Variants in PCDHGA1 observed in about 807,000 individuals in gnomAD.
PCDHGA1 encodes the protein protocadherin gamma subfamily A, 1, also known as protocadherin gamma-A1.
PCDHGA1 carries 32 observed loss-of-function variants against 58.0 expected under a neutral mutation model. That is an observed-to-expected ratio of 0.55 (90% CI 0.42 to 0.74). PCDHGA1 has a LOEUF of 0.74. PCDHGA1 is among the 30% of genes least tolerant of loss of function. PCDHGA1 has a pLI of 0.00. For missense variants in PCDHGA1, 1,205 were observed against 1,182.3 expected (o/e 1.02, Z -0.28); for synonymous variants, 498 against 501.1 (o/e 0.99, Z 0.08).
rs1038435691 is a variant in PCDHGA1 at position 141,344,648 on chromosome 5, A to G, written c.2421+11543A>G. 1.2e-5 allele frequency: 20 copies of G among 1,613,870 alleles called. No homozygotes were observed. The Admixed American group carries it at 3.2e-4, about 26-fold the overall frequency. ...AGCGGGCCCTGGACCGTGAGAAAAAAGAAATTCACCAGCTTGTCCTGGTTG... is the reference window on the plus strand; with the variant it reads ...AGCGGGCCCTGGACCGTGAGAAAAAGGAAATTCACCAGCTTGTCCTGGTTG... On this transcript the variant is annotated intron_variant, in intron 1 of 3. Coordinates refer to ENST00000517417, the MANE Select transcript of PCDHGA1 (RefSeq NM_018912.3).
At chr5:141,344,745 A>G (rs1241021447) in intron 1 of PCDHGA1, 2 of 1,614,032 alleles carry the variant, frequency 1.2e-6, no homozygotes, top group Admixed American at 1.7e-5. Context: ...TGCAAATGAC[A>G]ACCCACCAAT....
At chr5:141,389,755 T>C in intron 1 of PCDHGA1, 1 of 1,612,872 alleles carries the variant, frequency 6.2e-7, no homozygotes, top group African/African-American at 1.3e-5. Context: ...ACGGGCGAAG[T>C]GCGCACAGCG....
chr5:141,418,348 T>G (rs2096249125), intron 1 of PCDHGA1: 1 of 1,613,982 alleles, frequency 6.2e-7, no homozygotes, highest in African/African-American at 1.3e-5. Flanking sequence ...CTGATATTAG[T>G]ATGAATTCGC....
chr5:141,374,633 A>G, intron 1 of PCDHGA1: 1 of 1,613,130 alleles, frequency 6.2e-7, no homozygotes, highest in South Asian at 1.1e-5. Flanking sequence ...GGACGTGCAA[A>G]GCGAAGCCCA....
At chr5:141,372,270 G>A in intron 1 of PCDHGA1, 1 of 1,613,182 alleles carries the variant, frequency 6.2e-7, no homozygotes, top group African/African-American at 1.3e-5. Flanking sequence ...CACGGGTGAG[G>A]TGCGCACGGC....
intron 1 of PCDHGA1, chr5:141,403,278 T>C (rs1254967384): frequency 1.2e-6 from 2 of 1,613,784 alleles, no homozygotes; most frequent in Non-Finnish European, 1.7e-6. Context: ...TTTAAAGTCC[T>C]GGTTGAAGAC....
intron 1 of PCDHGA1, among the ~76,000 whole-genome samples, chr5:141,425,864 A>T (rs2096899427): frequency 6.6e-6 from 1 of 152,254 alleles, no homozygotes; most frequent in African/African-American, 2.4e-5. Flanking sequence ...TGTTCTATAG[A>T]TTCCCATCTC....
chr5:141,487,404 C>T lies in PCDHGA1; in HGVS notation c.2422-7403C>T, dbSNP rs771371344. ...AGATCTCGAAGGAGGGAGGGGCTTC[C>T]CCCTTCCAATGGGATCCTCCGAATC... On this transcript the variant is annotated intron_variant, in intron 1 of 3. Transcript: ENST00000517417. The surrounding 1 kb of genome is among the most constrained non-coding windows in gnomAD (Gnocchi z 5.0). 2 of 1,614,178 alleles carry T rather than the reference C, an allele frequency of 1.2e-6. No homozygotes were observed. Among genetic ancestry groups the T allele is most frequent in the Non-Finnish European group, 8.5e-7 (1 of 1,180,032 alleles).
intron 1 of PCDHGA1, chr5:141,400,525 G>A: frequency 6.2e-7 from 1 of 1,613,908 alleles, no homozygotes; most frequent in Non-Finnish European, 8.5e-7. Context: ...TCCTGAGTTG[G>A]TGAGTTTCAT....
At chr5:141,345,386 C>G (rs1329781045) in intron 1 of PCDHGA1, 1 of 1,614,122 alleles carries the variant, frequency 6.2e-7, no homozygotes, top group Non-Finnish European at 8.5e-7. Context: ...ACCCACCCAC[C>G]TTCCCTCATT....
chr5:141,384,405 C>T (rs1780049839), intron 1 of PCDHGA1: 2 of 1,613,882 alleles, frequency 1.2e-6, no homozygotes, highest in Non-Finnish European at 8.5e-7. Flanking sequence ...CTCCAGTGTC[C>T]TCCTATGTCT....
At chr5:141,374,840 G>A (rs766575793) in intron 1 of PCDHGA1, 4 of 1,613,792 alleles carry the variant, frequency 2.5e-6, no homozygotes, top group Non-Finnish European at 3.4e-6. Context: ...AAGTGTTCCT[G>A]AAAACCTGCC....
At chr5:141,407,415 A>C (rs1561707597) in intron 1 of PCDHGA1, among the ~76,000 whole-genome samples, 1 of 152,228 alleles carries the variant, frequency 6.6e-6, no homozygotes, top group Non-Finnish European at 1.5e-5. Flanking sequence ...TCGATACCAC[A>C]AAAATGTCTC....
intron 1 of PCDHGA1, among the ~76,000 whole-genome samples, chr5:141,364,001 T>G (rs1014120803): frequency 1.3e-5 from 2 of 152,232 alleles, no homozygotes; most frequent in African/African-American, 4.8e-5. Flanking sequence ...TTAACGGTCA[T>G]AAACAACGCT....
At chr5:141,509,275 G>A (rs185255724) in intron 3 of PCDHGA1, among the ~76,000 whole-genome samples, 1 of 152,096 alleles carries the variant, frequency 6.6e-6, no homozygotes, top group East Asian at 1.9e-4. Flanking sequence ...CTCGCTACCC[G>A]CTCCCAGGGT....
intron 1 of PCDHGA1, among the ~76,000 whole-genome samples, chr5:141,473,431 G>C (rs541546681): frequency 6.6e-6 from 1 of 152,148 alleles, no homozygotes; most frequent in South Asian, 2.1e-4. Context: ...CAGATACTTT[G>C]CTTATGCAAA....
In PCDHGA1 at chr5:141,477,116, G is replaced by A. The variant is rs771557201; in HGVS notation, c.2422-17691G>A. ...AGACAAGGGCGCCAATCCCGAAGGA[G>A]CACATTGCAAAGTGTTGGTGGAGGT... On this transcript the variant is annotated intron_variant, in intron 1 of 3. Transcript: ENST00000517417. This position sits in a 1 kb window ranked among gnomAD's most constrained non-coding sequence, Gnocchi z 4.9. 1 of 1,614,252 alleles carries A rather than the reference G, an allele frequency of 6.2e-7. No homozygotes were observed. The highest frequency in any genetic ancestry group is 8.5e-7 in the Non-Finnish European group (1 of 1,180,052).
intron 1 of PCDHGA1, chr5:141,422,560 G>T (rs2096656228): frequency 6.2e-7 from 1 of 1,614,032 alleles, no homozygotes; most frequent in East Asian, 2.2e-5. Context: ...GAATGTGGCA[G>T]ATGACAACGA....
rs1404656316 is a variant in PCDHGA1 at position 141,486,648 on chromosome 5, A to G, written c.2422-8159A>G. 6.2e-7 allele frequency: 1 copy of G among 1,613,298 alleles called. No individual in the cohort carries two copies. The highest frequency in any genetic ancestry group is 8.5e-7 in the Non-Finnish European group (1 of 1,179,892). The stretch of plus-strand genomic sequence containing the variant: ...TCTGGCTTGAATGCGCTTATCTCCT[A>G]CTCACTCCTGGAGCCCAGGAATCGA... On this transcript the variant is annotated intron_variant, in intron 1 of 3. Coordinates refer to ENST00000517417, the MANE Select transcript of PCDHGA1 (RefSeq NM_018912.3). This position sits in a 1 kb window ranked among gnomAD's most constrained non-coding sequence, Gnocchi z 5.0.
Sources: allele counts gnomAD v4.1 joint callset (sites outside exome capture counted in the v4.1 genomes callset), GRCh38; gene constraint gnomAD v4.1.1; non-coding constraint Gnocchi (gnomAD v3.1); transcripts MANE v1.5; gene names NCBI Gene and HGNC (gene_info 2026-07-23, HGNC 2026-07-21).